The following L3MBTL2 variants were observed in gnomAD, a reference collection of about 807,000 sequenced individuals.
The protein encoded by L3MBTL2 is lethal(3)malignant brain tumor-like protein 2.
L3MBTL2 carries 49 observed loss-of-function variants against 86.4 expected under a neutral mutation model. The observed-to-expected ratio is 0.57, with a 90% CI of 0.45 to 0.72. L3MBTL2 has a LOEUF of 0.72. Ranked by LOEUF, L3MBTL2 falls within the 30% of genes least tolerant of loss-of-function variation. L3MBTL2 has a pLI of 0.00. For synonymous variants in L3MBTL2, 336 were observed against 350.6 expected, an observed-to-expected ratio of 0.96 and a Z score of 0.47; for missense variants, 755 against 923.7, an observed-to-expected ratio of 0.82 and a Z score of 2.37.
intron 2 of L3MBTL2, 166 bp downstream of exon 2, chr22:41,210,099 C>G (rs546707104): frequency 2.1e-5 from 16 of 762,352 alleles, no homozygotes; most frequent in Admixed American, 1.3e-4. Flanking sequence ...ACAGAAGCAC[C>G]CCAAGTAGCC....
intron 5 of L3MBTL2, chr22:41,218,617 A>T (rs2031574382): frequency 6.6e-6 from 1 of 152,032 alleles, no homozygotes; most frequent in African/African-American, 2.4e-5. Flanking sequence ...GGGGCACTTT[A>T]TTTTATTTTA....
intron 1 of L3MBTL2, among the ~76,000 whole-genome samples, chr22:41,207,197 G>C (rs1361826059): frequency 2.7e-5 from 4 of 149,618 alleles, no homozygotes; most frequent in African/African-American, 9.8e-5. Flanking sequence ...ACTATTCTGA[G>C]AGCTTTGCCT....
Position 41,210,771 on chromosome 22 carries a change from A to G in L3MBTL2, c.262+838A>G, listed in dbSNP as rs537945472. Among the ~76,000 whole-genome samples, 53 of 152,308 alleles carry G rather than the reference A, an allele frequency of 3.5e-4. 1 individual carries two copies. In the South Asian group the frequency reaches 0.011, roughly 31 times the overall value. ...GAGCCACTGTGCCCGGCCCTAGTCTAATTTCAAATTGTGACTTCACTCATT... is the reference window on the plus strand; with the variant it reads ...GAGCCACTGTGCCCGGCCCTAGTCTGATTTCAAATTGTGACTTCACTCATT... On this transcript the variant is annotated intron_variant, in intron 2 of 16. Transcript: ENST00000216237.
rs377610001 is a variant in L3MBTL2 at position 41,230,174 on chromosome 22, G to A, written c.2041G>A (p.Val681Met). Residue 681 changes from valine (V) to methionine (M), a missense_variant, in exon 17 of 17, where the codon GTG becomes ATG. Around this residue, in one of 3 missense-constraint regions of L3MBTL2, gnomAD observed 634 missense variants for 748.9 expected, o/e 0.85. Coordinates refer to ENST00000216237, the MANE Select transcript of L3MBTL2 (RefSeq NM_031488.5). ...AVRVKEEHLDVASPDKASSPE... is the reference protein window; with the variant it reads ...AVRVKEEHLDMASPDKASSPE... ...GCGTGTGAAGGAAGAGCATCTAGAC[G>A]TGGCCTCGCCCGACAAGGCTTCAAG... is the stretch of plus-strand genomic sequence containing the variant. 10 of 1,514,268 alleles carry A rather than the reference G, an allele frequency of 6.6e-6. No homozygotes were observed. The highest frequency in any genetic ancestry group is 1.8e-4 in the Middle Eastern group (1 of 5,564). The allele number at this position is 1,514,268 out of a possible 1,614,324, so 93.8% of individuals were successfully genotyped here. A position where few individuals can be genotyped will look rare whatever the true frequency, so the allele number is the denominator to read the frequency against.
In L3MBTL2 at chr22:41,219,299, A is replaced by T. The variant is rs17002357; in HGVS notation, c.601-120A>T. On this transcript the variant is annotated intron_variant, in intron 5 of 16. Transcript: ENST00000216237. The stretch of plus-strand genomic sequence containing the variant: ...TTATCTCTAGTAGCTGGTTCTGCAC[A>T]CAGTGGGTGATGTGAAAAGTTGAGG... 5.2e-3 allele frequency: 3,778 copies of T among 731,678 alleles called. 103 individuals carry two copies. The African/African-American group carries it at 0.057, about 11-fold the overall frequency. The allele number at this position is 731,678 out of a possible 1,614,324, so 45.3% of individuals were successfully genotyped here.
chr22:41,221,263 G>A lies in L3MBTL2; in HGVS notation c.918G>A (p.Thr306=), dbSNP rs1426907867. The A allele has an allele frequency of 6.4e-6, 10 of 1,551,478 alleles. No homozygotes were observed. The highest frequency in any genetic ancestry group is 4.1e-5 in the African/African-American group (3 of 73,064). ...TGAAACGGCTGGTGGGCTCCAGGAC[G>A]CTTCCCGTGGATTTCCACATCAAGG... The part of the protein sequence containing the change: ...YLMKRLVGSR[T]LPVDFHIKMV... Residue 306 remains threonine, a synonymous_variant, in exon 8 of 17, where the codon ACG becomes ACA. Coordinates refer to ENST00000216237, the MANE Select transcript of L3MBTL2 (RefSeq NM_031488.5).
intron 6 of L3MBTL2, among the ~76,000 whole-genome samples, 189 bp downstream of exon 6, chr22:41,219,725 A>T (rs1241385346): frequency 2.6e-5 from 4 of 151,810 alleles, no homozygotes; most frequent in African/African-American, 9.7e-5. Flanking sequence ...GGAAACCCCA[A>T]ATTTTTTTGT....
Position 41,209,863 on chromosome 22 carries a change from G to A in L3MBTL2, c.192G>A (p.Leu64=), listed in dbSNP as rs374030158. The part of the protein sequence containing the change: ...AENEDREAGE[L]PTSPLHLLSP... ...ATGAGGATCGGGAAGCAGGGGAACT[G>A]CCGACCTCCCCGCTGCATTTGCTCA... The change falls in exon 2 of 17, where the codon CTG becomes CTA. Residue 64 remains leucine, a synonymous_variant. Coordinates refer to ENST00000216237, the MANE Select transcript of L3MBTL2 (RefSeq NM_031488.5). The A allele has an allele frequency of 2.0e-5, 33 of 1,614,066 alleles. No individual in the cohort carries two copies. The South Asian group carries it at 2.3e-4, about 11-fold the overall frequency.
chr22:41,221,541 C>T (rs570015101), intron 8 of L3MBTL2, among the ~76,000 whole-genome samples: 30 of 152,362 alleles, frequency 2.0e-4, no homozygotes, highest in Non-Finnish European at 4.1e-4. Flanking sequence ...GCCTTTTGCT[C>T]TTCCGGAACC....
rs1438896360 is a variant in L3MBTL2 at position 41,225,509 on chromosome 22, G to A, written c.1357-285G>A. Among the ~76,000 whole-genome samples the A allele has an allele frequency of 1.3e-5, 2 of 152,086 alleles. No homozygotes were observed. The highest frequency in any genetic ancestry group is 3.9e-4 in the East Asian group (2 of 5,184). ...GCTGACTCGTCCTCGCCGCGGATCCGCTCCATGCCGGGCGCGTGTGCTCAC... is the reference window on the plus strand; with the variant it reads ...GCTGACTCGTCCTCGCCGCGGATCCACTCCATGCCGGGCGCGTGTGCTCAC... On this transcript the variant is annotated intron_variant, in intron 11 of 16. Coordinates refer to ENST00000216237, the MANE Select transcript of L3MBTL2 (RefSeq NM_031488.5). The surrounding 1 kb of genome is among the most constrained non-coding windows in gnomAD (Gnocchi z 4.1).
In L3MBTL2 at chr22:41,224,303, G is replaced by A. The variant is rs1461430474; in HGVS notation, c.1174+52G>A. ...CTGCATGCTGTGCTTCCCCAGGGAC[G>A]GAGTGGGAGCACCTTCCTACTCGTC... On this transcript the variant is annotated intron_variant, in intron 9 of 16. Coordinates refer to ENST00000216237, the MANE Select transcript of L3MBTL2 (RefSeq NM_031488.5). This position sits in a 1 kb window ranked among gnomAD's most constrained non-coding sequence, Gnocchi z 4.9. 6 of 1,455,322 alleles carry A rather than the reference G, an allele frequency of 4.1e-6. No homozygotes were observed. The highest frequency in any genetic ancestry group is 1.8e-5 in the Admixed American group (1 of 57,094). The allele number at this position is 1,455,322 out of a possible 1,614,324, so 90.2% of individuals were successfully genotyped here. A position where few individuals can be genotyped will look rare whatever the true frequency, so the allele number is the denominator to read the frequency against.
intron 6 of L3MBTL2, 124 bp downstream of exon 6, chr22:41,219,660 C>A: frequency 1.5e-6 from 1 of 660,586 alleles, no homozygotes; most frequent in Non-Finnish European, 2.7e-6. Flanking sequence ...GGAATTTTTG[C>A]CCCACTTCTA....
chr22:41,217,437 A>G, intron 5 of L3MBTL2: 1 of 509,554 alleles, frequency 2.0e-6, no homozygotes, highest in Non-Finnish European at 3.6e-6. Flanking sequence ...GTTTATTTAC[A>G]TGATGGAACT....
intron 3 of L3MBTL2, chr22:41,214,714 T>G (rs1463128947): frequency 6.6e-6 from 1 of 152,128 alleles, no homozygotes; most frequent in Admixed American, 6.6e-5. Context: ...CTGGAAAGTT[T>G]AAAAATTATT....
rs529418200 is a variant in L3MBTL2, at chr22:41,226,481, A to G, written c.1505-181A>G. Among the ~76,000 whole-genome samples the G allele has an allele frequency of 9.2e-5, 14 of 152,324 alleles. No individual in the cohort carries two copies. The South Asian group carries it at 2.5e-3, about 27-fold the overall frequency. On this transcript the variant is annotated intron_variant, in intron 12 of 16. Coordinates refer to ENST00000216237, the MANE Select transcript of L3MBTL2 (RefSeq NM_031488.5). ...TATCCCATTGGTCAGTGAACAACCTATACAACAGGACTGTGGTGCTAGAGC... is the reference window on the plus strand; with the variant it reads ...TATCCCATTGGTCAGTGAACAACCTGTACAACAGGACTGTGGTGCTAGAGC...
intron 2 of L3MBTL2, among the ~76,000 whole-genome samples, chr22:41,212,395 G>A (rs972459383): frequency 3.1e-5 from 4 of 127,922 alleles, no homozygotes; most frequent in African/African-American, 1.3e-4. Flanking sequence ...TTAGGTTCAG[G>A]CTTTTTTTTT....
chr22:41,220,660 A>AAG (rs1491511599), intron 6 of L3MBTL2, 74 bp from the exon 7 acceptor site: 2 of 349,922 alleles, frequency 5.7e-6, no homozygotes, highest in Non-Finnish European at 8.6e-6. Flanking sequence ...TTCGTCTCAG[A>AAG]AAAAAAAAAA....
rs575577500 is a variant in L3MBTL2, at chr22:41,227,464, C to A, written c.1822+141C>A. On this transcript the variant is annotated intron_variant, in intron 14 of 16. Transcript: ENST00000216237. This position sits in a 1 kb window ranked among gnomAD's most constrained non-coding sequence, Gnocchi z 6.0. Reference sequence around the variant, plus strand: ...ACCACTTTAAGTAGAGAGTGAGCCCCGTCACCCAGCCCCTGCTCCTGACTT... The same window carrying A: ...ACCACTTTAAGTAGAGAGTGAGCCCAGTCACCCAGCCCCTGCTCCTGACTT... 8.4e-7 allele frequency: 1 copy of A among 1,197,136 alleles called. No homozygotes were observed. Among genetic ancestry groups the A allele is most frequent in the Non-Finnish European group, 1.2e-6 (1 of 827,688 alleles). 74.2% of individuals were successfully genotyped at this position (1,197,136 alleles called of 1,614,324 possible).
At chr22:41,217,425 C>T (rs1353912058) in intron 5 of L3MBTL2, 2 of 533,948 alleles carry the variant, frequency 3.7e-6, no homozygotes, top group Non-Finnish European at 6.7e-6. Flanking sequence ...TGAAGCCCTT[C>T]AGTTTATTTA....
Sources: gnomAD v4.1 joint callset for allele counts (sites outside exome capture counted in the v4.1 genomes callset) on GRCh38, gnomAD v4.1.1 for gene constraint, gnomAD v4.1.1 regional missense constraint, Gnocchi (gnomAD v3.1) non-coding constraint, MANE v1.5 for transcripts, NCBI Gene and HGNC (gene_info 2026-07-23, HGNC 2026-07-21) for gene names.